SMYD3: variants seen among roughly 807,000 people sequenced by gnomAD.
SMYD3 encodes SET and MYND domain containing 3.
SMYD3 carries 36 observed loss-of-function variants against 57.7 expected under a neutral mutation model. That is an observed-to-expected ratio of 0.62 (90% CI 0.48 to 0.82). SMYD3 has a LOEUF of 0.82. Ranked by LOEUF, SMYD3 falls within the 40% of genes least tolerant of loss-of-function variation. The probability of loss-of-function intolerance (pLI) is 0.00; values close to 1 mark genes in which losing one functional copy is unlikely to be tolerated. For synonymous variants in SMYD3, 211 were observed against 195.0 expected, an observed-to-expected ratio of 1.08 and a Z score of -0.68; for missense variants, 515 against 538.8, an observed-to-expected ratio of 0.96 and a Z score of 0.44.
intron 5 of SMYD3, among the ~76,000 whole-genome samples, chr1:246,073,143 T>C (rs1268114804): frequency 1.3e-5 from 2 of 152,198 alleles, no homozygotes; most frequent in African/African-American, 4.8e-5. Context: ...TTCTGACCTA[T>C]TTCTTTATAA....
chr1:246,215,983 G>A (rs1251774306), intron 5 of SMYD3, among the ~76,000 whole-genome samples: 3 of 152,052 alleles, frequency 2.0e-5, no homozygotes, highest in African/African-American at 7.2e-5. Flanking sequence ...GGAGCACTCT[G>A]GACTAATGTG....
At position 246,352,155 on chromosome 1, in the gene SMYD3, A is replaced by C. The variant is rs916402645; in HGVS notation, c.228+2876T>G. ...CTGTCTCAAAAAAAAAAAAAAAAAAAAAAAAAAACATAAAGAAAGAAATGT... is the reference window on the plus strand; with the variant it reads ...CTGTCTCAAAAAAAAAAAAAAAAAACAAAAAAAACATAAAGAAAGAAATGT... On this transcript the variant is annotated intron_variant, in intron 2 of 11. Transcript: ENST00000490107. Among the ~76,000 whole-genome samples the C allele has an allele frequency of 7.3e-5, 11 of 150,836 alleles. No homozygotes were observed. In the East Asian group the frequency reaches 1.6e-3, roughly 21 times the overall value.
At chr1:245,800,438 A>T (rs1435227813) in intron 10 of SMYD3, among the ~76,000 whole-genome samples, 4 of 151,758 alleles carry the variant, frequency 2.6e-5, no homozygotes, top group Non-Finnish European at 4.4e-5. Context: ...TTTTTTTTTT[A>T]AATAATGCTA....
chr1:246,333,399 A>C (rs2065491947), intron 3 of SMYD3, among the ~76,000 whole-genome samples: 1 of 152,248 alleles, frequency 6.6e-6, no homozygotes, highest in Non-Finnish European at 1.5e-5. Context: ...AAAATTGACA[A>C]GTGGACCTAA....
rs1337061084 is a variant in SMYD3 at position 245,839,447 on chromosome 1, G to T, written c.1076+19049C>A. Among the ~76,000 whole-genome samples, 5 of 151,948 alleles carry T rather than the reference G, an allele frequency of 3.3e-5. No homozygotes were observed. The East Asian group carries it at 5.8e-4, about 18-fold the overall frequency. On this transcript the variant is annotated intron_variant, in intron 10 of 11. Transcript: ENST00000490107. Reference sequence around the variant, plus strand: ...GCCTCCCAAAGTGCTGGGATTACAGGCATGAGCCACTGTGCCCAGCCCAGG... The same window carrying T: ...GCCTCCCAAAGTGCTGGGATTACAGTCATGAGCCACTGTGCCCAGCCCAGG...
chr1:246,481,784 TAGAG>T (rs370670625), intron 1 of SMYD3, among the ~76,000 whole-genome samples: 13,506 of 147,492 alleles, frequency 0.092, 647 homozygotes, highest in Middle Eastern at 0.19. Flanking sequence ...TATATATATA[TAGAG>T]AGAGAGAGAT....
At chr1:246,439,347 A>C (rs1558465634) in intron 1 of SMYD3, among the ~76,000 whole-genome samples, 1 of 152,172 alleles carries the variant, frequency 6.6e-6, no homozygotes, top group Non-Finnish European at 1.5e-5. Context: ...CAACAATTCA[A>C]GTTTCCGTGG....
intron 5 of SMYD3, among the ~76,000 whole-genome samples, chr1:246,296,936 T>C (rs533178979): frequency 1.3e-5 from 2 of 152,194 alleles, no homozygotes; most frequent in African/African-American, 4.8e-5. Flanking sequence ...GGAACTTAGG[T>C]AGAGGAAGCT....
chr1:246,083,881 T>A (rs1256212696), intron 5 of SMYD3, among the ~76,000 whole-genome samples: 1 of 152,206 alleles, frequency 6.6e-6, no homozygotes, highest in Non-Finnish European at 1.5e-5. Context: ...TAACTCATTA[T>A]AAACCGAAAC....
chr1:246,346,632 T>C (rs1265050821), intron 2 of SMYD3, among the ~76,000 whole-genome samples: 1 of 152,164 alleles, frequency 6.6e-6, no homozygotes, highest in African/African-American at 2.4e-5. Flanking sequence ...CCATCCAATC[T>C]TGTGAGAACT....
chr1:245,964,837 T>C (rs1304198909), intron 5 of SMYD3, among the ~76,000 whole-genome samples: 3 of 148,602 alleles, frequency 2.0e-5, no homozygotes, highest in Non-Finnish European at 4.5e-5. Context: ...AGGACAACTA[T>C]GAAAGATGTA....
At position 245,843,974 on chromosome 1, in the gene SMYD3, C is replaced by T. The variant is rs562502015; in HGVS notation, c.1076+14522G>A. 6.6e-5 allele frequency among the ~76,000 whole-genome samples: 10 copies of T among 152,256 alleles called. No homozygotes were observed. In the South Asian group the frequency reaches 8.3e-4, roughly 13 times the overall value. On this transcript the variant is annotated intron_variant, in intron 10 of 11. Transcript: ENST00000490107. ...CTAGTTGTTATGTAAACACTTCCAA[C>T]GATGGAGTGTTGGATGCTCCATTAT...
At chr1:246,154,425 G>T (rs1360687539) in intron 5 of SMYD3, among the ~76,000 whole-genome samples, 1 of 152,056 alleles carries the variant, frequency 6.6e-6, no homozygotes, top group Non-Finnish European at 1.5e-5. Flanking sequence ...TTCAGAATTT[G>T]ACCCCCGCTC....
At chr1:246,465,589 TTTGGGA>T (rs2067870660) in intron 1 of SMYD3, among the ~76,000 whole-genome samples, 1 of 152,012 alleles carries the variant, frequency 6.6e-6, no homozygotes, top group African/African-American at 2.4e-5. Flanking sequence ...ATCCCAACAC[TTTGGGA>T]GGCTGAGGCA....
At chr1:246,017,700 A>C (rs1433819277) in intron 5 of SMYD3, among the ~76,000 whole-genome samples, 1 of 152,104 alleles carries the variant, frequency 6.6e-6, no homozygotes, top group African/African-American at 2.4e-5. Flanking sequence ...CTCCACTGTG[A>C]AGTTTCTCAT....
chr1:246,319,974 A>C (rs2148648698), intron 5 of SMYD3, among the ~76,000 whole-genome samples: 1 of 152,268 alleles, frequency 6.6e-6, no homozygotes, highest in Non-Finnish European at 1.5e-5. Context: ...ATTTATGATC[A>C]CTCTAAATGT....
intron 5 of SMYD3, among the ~76,000 whole-genome samples, chr1:246,151,050 A>G (rs1231044905): frequency 6.6e-6 from 1 of 152,126 alleles, no homozygotes; most frequent in East Asian, 1.9e-4. Flanking sequence ...GTTCAAGACC[A>G]GCCTGGCCAA....
intron 5 of SMYD3, among the ~76,000 whole-genome samples, chr1:246,207,328 T>A (rs950228784): frequency 1.3e-5 from 2 of 152,168 alleles, no homozygotes; most frequent in African/African-American, 4.8e-5. Context: ...GTTTCTCTTT[T>A]ACTTACACTG....
chr1:246,337,591 T>C (rs547356922), intron 2 of SMYD3, among the ~76,000 whole-genome samples: 1 of 152,180 alleles, frequency 6.6e-6, no homozygotes, highest in Admixed American at 6.5e-5. Context: ...ACAGAGCGTG[T>C]AGGCAGGAAC....
Sources: gnomAD v4.1 joint callset for allele counts (sites outside exome capture counted in the v4.1 genomes callset) on GRCh38, gnomAD v4.1.1 for gene constraint, MANE v1.5 for transcripts, NCBI Gene and HGNC (gene_info 2026-07-23, HGNC 2026-07-21) for gene names.